WWOX: variants seen among roughly 807,000 people sequenced by gnomAD.
WWOX encodes WW domain containing oxidoreductase, also known as WW domain-containing oxidoreductase.
Under a neutral mutation model 46.2 loss-of-function variants are expected in WWOX, and 69 were observed. The observed-to-expected ratio is 1.49, with a 90% CI of 1.23 to 1.82. The LOEUF (loss-of-function observed/expected upper bound fraction) is 1.82. WWOX is among the 40% of genes most tolerant of loss of function. The pLI is 0.00. For synonymous variants in WWOX, 359 were observed against 202.6 expected, an observed-to-expected ratio of 1.77 and a Z score of -6.56; for missense variants, 919 against 542.6, an observed-to-expected ratio of 1.69 and a Z score of -6.89.
chr16:79,141,066 G>C (rs1403994465), intron 8 of WWOX, among the ~76,000 whole-genome samples: 2 of 152,186 alleles, frequency 1.3e-5, no homozygotes, highest in Non-Finnish European at 2.9e-5. Flanking sequence ...GAAAAGTCAA[G>C]CTGGGAACTG....
intron 8 of WWOX, among the ~76,000 whole-genome samples, chr16:78,769,389 C>T (rs2050007640): frequency 6.6e-6 from 1 of 152,098 alleles, no homozygotes; most frequent in African/African-American, 2.4e-5. Context: ...CCTTCCTATC[C>T]AGTGCTTGTA....
intron 8 of WWOX, among the ~76,000 whole-genome samples, chr16:78,808,456 T>C (rs976351901): frequency 1.3e-5 from 2 of 152,222 alleles, no homozygotes; most frequent in South Asian, 2.1e-4. Flanking sequence ...TAAAGTGTTA[T>C]TGAATCCATA....
At chr16:79,051,601 G>A (rs1056984713) in intron 8 of WWOX, among the ~76,000 whole-genome samples, 3 of 152,194 alleles carry the variant, frequency 2.0e-5, no homozygotes, top group Non-Finnish European at 4.4e-5. Flanking sequence ...CAACATTAGT[G>A]AACAGCCAGG....
chr16:78,889,408 C>G (rs528727104), intron 8 of WWOX, among the ~76,000 whole-genome samples: 48 of 137,712 alleles, frequency 3.5e-4, no homozygotes, highest in South Asian at 3.0e-3. Context: ...ACTGGGTCCC[C>G]CATCTAAGAG....
In WWOX at chr16:78,391,351, C is replaced by T. The variant is rs897784276; in HGVS notation, c.605+4403C>T. On this transcript the variant is annotated intron_variant, in intron 6 of 8. Transcript: ENST00000566780. ...TGTAGTTTGTTATAAGAGTCCTGCA[C>T]ACTTAACCATGATTATCCCTACTTT... Among the ~76,000 whole-genome samples, 5 of 152,226 alleles carry T rather than the reference C, an allele frequency of 3.3e-5. No homozygotes were observed. In the East Asian group the frequency reaches 9.6e-4, roughly 29 times the overall value.
chr16:78,543,594 T>C (rs1597241036), intron 8 of WWOX, among the ~76,000 whole-genome samples: 1 of 152,302 alleles, frequency 6.6e-6, no homozygotes. Flanking sequence ...GCATACCATA[T>C]GCTGAAAGAC....
Position 78,617,830 on chromosome 16 carries a change from G to A in WWOX, c.1056+185078G>A, listed in dbSNP as rs2046065347. Among the ~76,000 whole-genome samples the A allele has an allele frequency of 2.0e-5, 3 of 152,188 alleles. No individual in the cohort carries two copies. The South Asian group carries it at 6.2e-4, about 32-fold the overall frequency. On this transcript the variant is annotated intron_variant, in intron 8 of 8. Transcript: ENST00000566780. Reference sequence around the variant, plus strand: ...TCCGTTAATGTTTATTTGAATGATGGAATGAAGGTGTCTTGCTATATTTTG... The same window carrying A: ...TCCGTTAATGTTTATTTGAATGATGAAATGAAGGTGTCTTGCTATATTTTG...
chr16:78,267,521 T>C (rs531841132), intron 5 of WWOX, among the ~76,000 whole-genome samples: 1 of 152,342 alleles, frequency 6.6e-6, no homozygotes, highest in Non-Finnish European at 1.5e-5. Flanking sequence ...TTGGAATGCA[T>C]TGTATCTGTC....
chr16:78,828,828 C>G (rs543286585), intron 8 of WWOX, among the ~76,000 whole-genome samples: 2 of 152,288 alleles, frequency 1.3e-5, no homozygotes, highest in South Asian at 4.1e-4. Context: ...GTAATGGAGA[C>G]TCTCAGGCCA....
chr16:78,502,319 C>T (rs967855801), intron 8 of WWOX, among the ~76,000 whole-genome samples: 7 of 152,196 alleles, frequency 4.6e-5, no homozygotes, highest in Admixed American at 3.3e-4. Flanking sequence ...AGAAAATGAC[C>T]CCTTAGTCAT....
At chr16:78,583,299 A>C (rs541894674) in intron 8 of WWOX, among the ~76,000 whole-genome samples, 1 of 152,302 alleles carries the variant, frequency 6.6e-6, no homozygotes, top group East Asian at 1.9e-4. Flanking sequence ...GTGAGGGTAC[A>C]ACTGGCTCCA....
chr16:78,800,641 A>G (rs78224522), intron 8 of WWOX, among the ~76,000 whole-genome samples: 17,524 of 152,274 alleles, frequency 0.12, 1,306 homozygotes, highest in Non-Finnish European at 0.16. Flanking sequence ...CTGACGGCCA[A>G]AGGGGAAGCT....
In WWOX at chr16:78,747,846, G is replaced by A. The variant is rs574749960; in HGVS notation, c.1056+315094G>A. ...GTCTCCAAGCTGCTCCATGATCAAGGATAAACTATAATCTTTCTCTCTGCC... is the reference window on the plus strand; with the variant it reads ...GTCTCCAAGCTGCTCCATGATCAAGAATAAACTATAATCTTTCTCTCTGCC... On this transcript the variant is annotated intron_variant, in intron 8 of 8. Coordinates refer to ENST00000566780, the MANE Select transcript of WWOX (RefSeq NM_016373.4). Among the ~76,000 whole-genome samples the A allele has an allele frequency of 2.6e-5, 4 of 152,228 alleles. No individual in the cohort carries two copies. In the South Asian group the frequency reaches 6.2e-4, roughly 24 times the overall value.
chr16:78,687,458 A>G (rs1355071058), intron 8 of WWOX, among the ~76,000 whole-genome samples: 2 of 152,224 alleles, frequency 1.3e-5, no homozygotes, highest in East Asian at 1.9e-4. Flanking sequence ...TAAGTGAACA[A>G]TCATTTGGAG....
chr16:78,570,023 C>G (rs1214363549), intron 8 of WWOX, among the ~76,000 whole-genome samples: 3 of 152,128 alleles, frequency 2.0e-5, no homozygotes, highest in Non-Finnish European at 4.4e-5. Context: ...GATTAAAACT[C>G]TAAAACTAAC....
chr16:78,556,238 A>G (rs1467608108), intron 8 of WWOX, among the ~76,000 whole-genome samples: 1 of 151,782 alleles, frequency 6.6e-6, no homozygotes, highest in Non-Finnish European at 1.5e-5. Flanking sequence ...TTGGAAATAA[A>G]CAGGGTACTT....
At chr16:78,938,249 G>C (rs374168355) in intron 8 of WWOX, among the ~76,000 whole-genome samples, 4 of 152,320 alleles carry the variant, frequency 2.6e-5, no homozygotes, top group East Asian at 3.9e-4. Flanking sequence ...CTAGAGGTGA[G>C]GTGGGGAAAG....
chr16:78,588,819 G>A (rs1017231838), intron 8 of WWOX, among the ~76,000 whole-genome samples: 15 of 152,300 alleles, frequency 9.8e-5, no homozygotes, highest in African/African-American at 3.4e-4. Flanking sequence ...AGTGGTCTCT[G>A]TGGAGAGGTG....
chr16:79,051,733 C>A (rs540778476), intron 8 of WWOX, among the ~76,000 whole-genome samples: 1 of 152,226 alleles, frequency 6.6e-6, no homozygotes, highest in African/African-American at 2.4e-5. Flanking sequence ...AGAATTTCCT[C>A]CCCATCTAAT....
Sources: allele counts gnomAD v4.1 joint callset (sites outside exome capture counted in the v4.1 genomes callset), GRCh38; gene constraint gnomAD v4.1.1; transcripts MANE v1.5; gene names NCBI Gene and HGNC (gene_info 2026-07-23, HGNC 2026-07-21).